The following ZGLP1 variants were observed in gnomAD, a reference collection of about 807,000 sequenced individuals.
ZGLP1 encodes the protein zinc finger GATA like protein 1, also known as GATA-type zinc finger protein 1.
ZGLP1 carries 11 observed loss-of-function variants against 21.4 expected under a neutral mutation model. That is an observed-to-expected ratio of 0.51 (90% CI 0.32 to 0.85). The LOEUF is 0.85. Among genes scored for constraint, ZGLP1 ranks in the 40% least tolerant of loss-of-function variants. ZGLP1 has a pLI of 0.03. For synonymous variants in ZGLP1, 148 were observed against 145.0 expected (o/e 1.02, Z -0.15); for missense variants, 295 against 355.6 (o/e 0.83, Z 1.37).
At chr19:10,306,702 C>T (rs762001397) in intron 1 of ZGLP1, among the ~76,000 whole-genome samples, 53 of 152,030 alleles carry the variant, frequency 3.5e-4, no homozygotes, top group Non-Finnish European at 5.9e-4. Context: ...GCACTCCCAG[C>T]TAGTTGGGAG....
chr19:10,305,507 CA>C lies in ZGLP1; in HGVS notation c.605-25del. 6.3e-7 allele frequency: 1 copy of C among 1,575,642 alleles called. No homozygotes were observed. Among genetic ancestry groups the C allele is most frequent in the East Asian group, 2.3e-5 (1 of 43,532 alleles). Reference sequence around the variant, plus strand: ...CTCTGAAGGGTCAGAGGTCAAAGGGCAGGGGTCAGAGGCCAAGCATGTGAGC... The same window carrying C: ...CTCTGAAGGGTCAGAGGTCAAAGGGCGGGGTCAGAGGCCAAGCATGTGAGC... On this transcript the variant is annotated intron_variant, in intron 2 of 3. Transcript: ENST00000403903. This position sits in a 1 kb window ranked among gnomAD's most constrained non-coding sequence, Gnocchi z 4.7.
At chr19:10,304,943 G>T in exon 4 of ZGLP1, 1 of 667,852 alleles carries the variant, frequency 1.5e-6, no homozygotes, top group Non-Finnish European at 2.6e-6. Context: ...CTGAGGCCTG[G>T]GTCTTCCCCC....
intron 1 of ZGLP1, among the ~76,000 whole-genome samples, chr19:10,307,652 T>A (rs183549615): frequency 1.3e-5 from 2 of 152,146 alleles, no homozygotes; most frequent in East Asian, 3.9e-4. Context: ...GCAGCTGGGA[T>A]TACAGGCACC....
At position 10,308,813 on chromosome 19, in the gene ZGLP1, G is replaced by A. The variant is rs2040295439; in HGVS notation, c.-132C>T. The A allele has an allele frequency of 6.2e-6, 5 of 809,932 alleles. No individual in the cohort carries two copies. In the South Asian group the frequency reaches 2.1e-4, roughly 35 times the overall value. The allele number at this position is 809,932 out of a possible 1,614,324, so 50.2% of individuals were successfully genotyped here. On this transcript the variant is annotated 5_prime_UTR_variant, in exon 1 of 4. Coordinates refer to ENST00000403903, the Ensembl canonical transcript of ZGLP1. The stretch of plus-strand genomic sequence containing the variant: ...GGCACCCGTAGATCACCCAGGCAGG[G>A]ACCGCCCTAGGTGACCGAGGCAGGA...
At chr19:10,308,664 C>G (rs2040294357) in exon 1 of ZGLP1, 6 of 1,497,036 alleles carry the variant, frequency 4.0e-6, no homozygotes, top group Non-Finnish European at 5.4e-6. Flanking sequence ...CTACACACCC[C>G]ACCTGAGGTT....
At chr19:10,308,213 A>C (rs754820225) in exon 1 of ZGLP1, 2 of 1,549,706 alleles carry the variant, frequency 1.3e-6, no homozygotes, top group East Asian at 4.5e-5. Context: ...TGCAGGCTGG[A>C]GTCCGGCTTT....
At chr19:10,308,919 T>G in exon 1 of ZGLP1, 3 of 344,286 alleles carry the variant, frequency 8.7e-6, no homozygotes, top group Non-Finnish European at 1.0e-5. Context: ...CCTCACTCTG[T>G]ACCCCCGCCT....
At position 10,305,803 on chromosome 19, in the gene ZGLP1, T is replaced by G; in HGVS notation, c.604+43A>C. ...GAGAAAGGCAGGGAAGACAGGAAAT[T>G]GGCCCCCAAAATATTTATAGCTCTT... On this transcript the variant is annotated intron_variant, in intron 2 of 3. Transcript: ENST00000403903. This position sits in a 1 kb window ranked among gnomAD's most constrained non-coding sequence, Gnocchi z 4.7. 1 of 1,449,338 alleles carries G rather than the reference T, an allele frequency of 6.9e-7. No homozygotes were observed. Among genetic ancestry groups the G allele is most frequent in the Non-Finnish European group, 9.5e-7 (1 of 1,053,786 alleles). 89.8% of individuals were successfully genotyped at this position (1,449,338 alleles called of 1,614,324 possible). A position where few individuals can be genotyped will look rare whatever the true frequency, so the allele number is the denominator to read the frequency against.
In ZGLP1 at chr19:10,305,780, GAAAGGCAGGGAA is replaced by G. The variant is rs2040275868; in HGVS notation, c.604+54_604+65del. The G allele has an allele frequency of 7.7e-7, 1 of 1,293,584 alleles. No homozygotes were observed. Among genetic ancestry groups the G allele is most frequent in the African/African-American group, 1.5e-5 (1 of 67,966 alleles). 80.1% of individuals were successfully genotyped at this position (1,293,584 alleles called of 1,614,324 possible). ...AAGATGGAGAAGGGGGGGGCAGGGAGAAAGGCAGGGAAGACAGGAAATTGGCCCCCAAAATAT... is the reference window on the plus strand; with the variant it reads ...AAGATGGAGAAGGGGGGGGCAGGGAGGACAGGAAATTGGCCCCCAAAATAT... On this transcript the variant is annotated intron_variant, in intron 2 of 3. Transcript: ENST00000403903. The surrounding 1 kb of genome is among the most constrained non-coding windows in gnomAD (Gnocchi z 4.7).
rs1433934814 is a variant in ZGLP1 at position 10,308,650 on chromosome 19, C to T, written c.32G>A (p.Cys11Tyr). 2.0e-6 allele frequency: 3 copies of T among 1,515,122 alleles called. No homozygotes were observed. In the African/African-American group the frequency reaches 4.2e-5, roughly 21 times the overall value. 93.9% of individuals were successfully genotyped at this position (1,515,122 alleles called of 1,614,324 possible). Residue 11 changes from cysteine (C) to tyrosine (Y), a missense_variant, in exon 1 of 4, where the codon TGT (cysteine) becomes TAT (tyrosine). By Grantham distance (194) the Cys-to-Tyr change is radical (BLOSUM62 -2). This residue lies in a region of ZGLP1 where 252 missense variants were observed against 264.0 expected (regional missense o/e 0.95). Transcript: ENST00000403903. ...GGCCGGCTCTTTGTGTACCCTTGGA[C>T]AGGCTACACACCCCACCTGAGGTTC...
At chr19:10,306,824 C>T (rs1443704775) in intron 1 of ZGLP1, among the ~76,000 whole-genome samples, 1 of 151,790 alleles carries the variant, frequency 6.6e-6, no homozygotes, top group African/African-American at 2.4e-5. Flanking sequence ...CAAAAACAAA[C>T]AAACAAACAA....
At position 10,305,980 on chromosome 19, in the gene ZGLP1, G is replaced by C; in HGVS notation, c.498-28C>G. On this transcript the variant is annotated intron_variant, in intron 1 of 3. Coordinates refer to ENST00000403903, the Ensembl canonical transcript of ZGLP1. This position sits in a 1 kb window ranked among gnomAD's most constrained non-coding sequence, Gnocchi z 4.7. ...GTGGGGCAGACAAGGTATTAGCACT[G>C]GGGGGGATCTGTAGCTTGTCCCCAA... 2.7e-6 allele frequency: 4 copies of C among 1,466,598 alleles called. No individual in the cohort carries two copies. Among genetic ancestry groups the C allele is most frequent in the Non-Finnish European group, 3.7e-6 (4 of 1,074,348 alleles). 90.8% of individuals were successfully genotyped at this position (1,466,598 alleles called of 1,614,324 possible).
At position 10,308,548 on chromosome 19, in the gene ZGLP1, G is replaced by T. The variant is rs776653957; in HGVS notation, c.134C>A (p.Ser45Tyr). 17 of 1,603,656 alleles carry T rather than the reference G, an allele frequency of 1.1e-5. No individual in the cohort carries two copies. The highest frequency in any genetic ancestry group is 6.6e-5 in the South Asian group (6 of 90,612). The change falls in exon 1 of 4, where the codon TCC (serine) becomes TAC (tyrosine). Residue 45 changes from serine to tyrosine, a missense_variant. Transcript: ENST00000403903. ...CGACTCCTGGCATGCAGGCCAGAGG[G>T]ACCTGGGGAGAAGGGCAGTGGGGTC...
chr19:10,304,986 G>T, exon 4 of ZGLP1: 2 of 870,376 alleles, frequency 2.3e-6, no homozygotes, highest in Non-Finnish European at 3.6e-6. Flanking sequence ...GCAGAGAGGA[G>T]GCAGGCCGGC....
exon 1 of ZGLP1, chr19:10,308,378 T>G (rs369313242): frequency 3.7e-6 from 6 of 1,608,206 alleles, no homozygotes; most frequent in African/African-American, 2.7e-5. Context: ...CTGGTCTGTG[T>G]GTCCTTGGAA....
rs1026754595 is a variant in ZGLP1, at chr19:10,308,501, G to A, written c.181C>T (p.Gln61Ter). ...TGACCCAGCCTCTCCACTGTCTCTT[G>A]GAGGAAGCACAGGGCGGTGACCGAC... The change falls in exon 1 of 4, where the codon CAA becomes TAA. Residue 61 changes from glutamine to a stop codon, truncating the protein, a stop_gained. Coordinates refer to ENST00000403903, the Ensembl canonical transcript of ZGLP1. LOFTEE classifies it high-confidence loss of function. The A allele has an allele frequency of 6.2e-7, 1 of 1,611,192 alleles. No homozygotes were observed. The highest frequency in any genetic ancestry group is 8.5e-7 in the Non-Finnish European group (1 of 1,178,154).
chr19:10,308,246 C>A, exon 1 of ZGLP1: 1 of 1,586,922 alleles, frequency 6.3e-7, no homozygotes, highest in Non-Finnish European at 8.6e-7. Context: ...AGAGTCACCC[C>A]CTCGAACCCA....
intron 1 of ZGLP1, among the ~76,000 whole-genome samples, chr19:10,307,617 C>T (rs1599288343): frequency 6.6e-6 from 1 of 151,412 alleles, no homozygotes; most frequent in African/African-American, 2.4e-5. Flanking sequence ...TGAGTTCAAG[C>T]GATTCTCCTG....
chr19:10,308,061 G>A, intron 1 of ZGLP1, 124 bp downstream of exon 2: 1 of 1,344,470 alleles, frequency 7.4e-7, no homozygotes, highest in East Asian at 2.3e-5. Context: ...CCAGAGACTG[G>A]GCCACGTGTA....
Sources: gnomAD v4.1 joint callset for allele counts (sites outside exome capture counted in the v4.1 genomes callset) on GRCh38, gnomAD v4.1.1 for gene constraint, gnomAD v4.1.1 regional missense constraint, Gnocchi (gnomAD v3.1) non-coding constraint, MANE v1.5 for transcripts, NCBI Gene and HGNC (gene_info 2026-07-23, HGNC 2026-07-21) for gene names.